ADGRD1: variants seen among roughly 807,000 people sequenced by gnomAD.
The protein encoded by ADGRD1 is G-protein coupled receptor 133.
Under a neutral mutation model 113.4 loss-of-function variants are expected in ADGRD1, and 77 were observed. The ratio of observed to expected loss-of-function variants is 0.68; its 90% CI spans 0.57 to 0.82. The LOEUF (loss-of-function observed/expected upper bound fraction) is 0.82, where lower values mean the gene tolerates loss of function less well. Among genes scored for constraint, ADGRD1 ranks in the 40% least tolerant of loss-of-function variants. The probability of loss-of-function intolerance (pLI) is 0.00; values close to 1 mark genes in which losing one functional copy is unlikely to be tolerated. For missense variants in ADGRD1, 1,036 were observed against 1,139.1 expected, an observed-to-expected ratio of 0.91 and a Z score of 1.30; for synonymous variants, 474 against 475.0, an observed-to-expected ratio of 1.00 and a Z score of 0.03.
rs1876675802 is a variant in ADGRD1 at position 131,003,573 on chromosome 12, G to A, written c.1144+271G>A. ...ATGATGGTCTCGGTTCAGAGCAGGA[G>A]GCAGAAGCAGCAGTGCCTGCAAGAG... On this transcript the variant is annotated intron_variant, in intron 10 of 24. Transcript: ENST00000261654. This position sits in a 1 kb window ranked among gnomAD's most constrained non-coding sequence, Gnocchi z 4.8. 6.6e-6 allele frequency among the ~76,000 whole-genome samples: 1 copy of A among 152,224 alleles called. No individual in the cohort carries two copies. The highest frequency in any genetic ancestry group is 1.5e-5 in the Non-Finnish European group (1 of 68,048).
chr12:131,140,666 A>G lies in ADGRD1; in HGVS notation c.*1403A>G, dbSNP rs1199504519. On this transcript the variant is annotated 3_prime_UTR_variant, in exon 25 of 25. Coordinates refer to ENST00000261654, the MANE Select transcript of ADGRD1 (RefSeq NM_198827.5). ...TGCCTTGTTTCAGAGTGAGTTTTCTATGGAGCCTGTGGCCCTTTTGCAGCC... is the reference window on the plus strand; with the variant it reads ...TGCCTTGTTTCAGAGTGAGTTTTCTGTGGAGCCTGTGGCCCTTTTGCAGCC... 2.0e-5 allele frequency: 3 copies of G among 152,238 alleles called. No homozygotes were observed. Among genetic ancestry groups the G allele is most frequent in the African/African-American group, 7.2e-5 (3 of 41,450 alleles). 9.4% of individuals were successfully genotyped at this position (152,238 alleles called of 1,614,324 possible).
At chr12:131,053,532 C>T (rs12309998) in intron 13 of ADGRD1, among the ~76,000 whole-genome samples, 2,872 of 152,218 alleles carry the variant, frequency 0.019, 90 homozygotes, top group African/African-American at 0.065. Flanking sequence ...CAGAAGTAAT[C>T]GGCCATCACC....
chr12:131,084,735 T>C lies in ADGRD1; in HGVS notation c.1671+72T>C. 6.5e-7 allele frequency: 1 copy of C among 1,534,556 alleles called. No individual in the cohort carries two copies. Among genetic ancestry groups the C allele is most frequent in the South Asian group, 1.1e-5 (1 of 87,082 alleles). ...GAGGCTGCAGGTGGGGGCGGGAGGATGCTTTGCCCGCCAGTGCCCACGGGC... is the reference window on the plus strand; with the variant it reads ...GAGGCTGCAGGTGGGGGCGGGAGGACGCTTTGCCCGCCAGTGCCCACGGGC... On this transcript the variant is annotated intron_variant, in intron 15 of 24. Transcript: ENST00000261654. The surrounding 1 kb of genome is among the most constrained non-coding windows in gnomAD (Gnocchi z 4.5).
At chr12:130,982,130 C>A in intron 5 of ADGRD1, 67 bp downstream of exon 5, 2 of 1,399,042 alleles carry the variant, frequency 1.4e-6, no homozygotes, top group Admixed American at 2.0e-5. Flanking sequence ...AGAATGGACG[C>A]TGAGAAGCCC....
intron 5 of ADGRD1, among the ~76,000 whole-genome samples, chr12:130,983,729 T>C (rs1008947275): frequency 6.6e-6 from 1 of 152,186 alleles, no homozygotes; most frequent in Admixed American, 6.5e-5. Flanking sequence ...CTCAAAATTA[T>C]CAGAAAGTTG....
intron 21 of ADGRD1, among the ~76,000 whole-genome samples, chr12:131,133,172 C>G (rs1213059639): frequency 6.6e-6 from 1 of 152,064 alleles, no homozygotes; most frequent in Non-Finnish European, 1.5e-5. Context: ...CCTTCCTCAC[C>G]CCAGCCCTCA....
Position 130,984,255 on chromosome 12 carries a change from G to C in ADGRD1, c.490+2192G>C, listed in dbSNP as rs1873358139. Reference sequence around the variant, plus strand: ...TTCCAATTTCTTTTGGAAATAAAAAGACTGGCAAGGCAGGCTCTTCATCTC... The same window carrying C: ...TTCCAATTTCTTTTGGAAATAAAAACACTGGCAAGGCAGGCTCTTCATCTC... On this transcript the variant is annotated intron_variant, in intron 5 of 24. Transcript: ENST00000261654. This position sits in a 1 kb window ranked among gnomAD's most constrained non-coding sequence, Gnocchi z 4.1. Among the ~76,000 whole-genome samples, 1 of 152,166 alleles carries C rather than the reference G, an allele frequency of 6.6e-6. No homozygotes were observed. Among genetic ancestry groups the C allele is most frequent in the Non-Finnish European group, 1.5e-5 (1 of 68,026 alleles).
intron 15 of ADGRD1, among the ~76,000 whole-genome samples, chr12:131,095,115 T>A (rs1225483343): frequency 6.6e-6 from 1 of 151,978 alleles, no homozygotes; most frequent in Non-Finnish European, 1.5e-5. Flanking sequence ...ATCTCTCCCT[T>A]CAGTCCCCCC....
At position 131,004,232 on chromosome 12, in the gene ADGRD1, T is replaced by C. The variant is rs201985264; in HGVS notation, c.1191T>C (p.His397=). 1.9e-6 allele frequency: 3 copies of C among 1,613,924 alleles called. No individual in the cohort carries two copies. In the Admixed American group the frequency reaches 5.0e-5, roughly 27 times the overall value. The part of the protein sequence containing the change: ...KILPKTVNSS[H]YRFPAHGQSF... ...TGCCCAAGACCGTGAATTCCTCCCA[T>C]TACCGCTTCCCGGCCCACGGGCAGA... The change falls in exon 11 of 25, where the codon CAT becomes CAC. Residue 397 remains histidine (H), a synonymous_variant. Coordinates refer to ENST00000261654, the MANE Select transcript of ADGRD1 (RefSeq NM_198827.5).
chr12:131,098,159 T>TGCC lies in ADGRD1; in HGVS notation c.1672-6672_1672-6671insGCC, dbSNP rs1566107430. The stretch of plus-strand genomic sequence containing the variant: ...GCGGTGGCCGCTGTCTGGGCCTCAC[T>TGCC]TCCTTCTCCCGCAGTGGCTGCTGTC... On this transcript the variant is annotated intron_variant, in intron 15 of 24. Transcript: ENST00000261654. Among the ~76,000 whole-genome samples, 18 of 28,788 alleles carry TGCC rather than the reference T, an allele frequency of 6.3e-4. 3 individuals are homozygous for TGCC. The East Asian group carries it at 0.012, about 19-fold the overall frequency. The allele number at this position is 28,788 out of a possible 152,430, so 18.9% of individuals were successfully genotyped here. A position where few individuals can be genotyped will look rare whatever the true frequency, so the allele number is the denominator to read the frequency against.
chr12:131,073,184 A>T (rs1394388123), intron 13 of ADGRD1, among the ~76,000 whole-genome samples: 1 of 152,212 alleles, frequency 6.6e-6, no homozygotes, highest in Non-Finnish European at 1.5e-5. Flanking sequence ...CTTAGCCTCT[A>T]TCAGGCTGTG....
At chr12:131,109,991 C>T (rs983968587) in intron 18 of ADGRD1, among the ~76,000 whole-genome samples, 3 of 152,130 alleles carry the variant, frequency 2.0e-5, no homozygotes, top group Admixed American at 6.6e-5. Flanking sequence ...AAAGTCTGTT[C>T]GTCCCATATG....
rs763022510 is a variant in ADGRD1 at position 130,987,314 on chromosome 12, CG to C, written c.712del (p.Asp238MetfsTer26). The C allele has an allele frequency of 6.2e-6, 10 of 1,614,180 alleles. No homozygotes were observed. The East Asian group carries it at 2.0e-4, about 32-fold the overall frequency. ...EFIIWERALT[P>X]DEIAMYFTAA... ...ATCATCTGGGAGCGGGCTCTGACTC[CG>C]GATGAGATCGCCATGTACTTCACTG... On this transcript the variant is annotated frameshift_variant, in exon 6 of 25. Coordinates refer to ENST00000261654, the MANE Select transcript of ADGRD1 (RefSeq NM_198827.5). LOFTEE classifies it high-confidence loss of function.
At chr12:131,064,943 G>A (rs2137104052) in intron 13 of ADGRD1, among the ~76,000 whole-genome samples, 1 of 152,304 alleles carries the variant, frequency 6.6e-6, no homozygotes, top group Non-Finnish European at 1.5e-5. Flanking sequence ...CCCAGCTCTT[G>A]AGCTAGTGAG....
intron 13 of ADGRD1, among the ~76,000 whole-genome samples, chr12:131,072,131 C>A: frequency 6.6e-6 from 1 of 151,368 alleles, no homozygotes. Context: ...CTCCGGCTTG[C>A]AGGCTGGCAC....
chr12:131,125,630 C>T (rs1289862413), intron 20 of ADGRD1, among the ~76,000 whole-genome samples: 1 of 152,228 alleles, frequency 6.6e-6, no homozygotes, highest in Non-Finnish European at 1.5e-5. Flanking sequence ...AGATGCATTG[C>T]TATAGATGCA....
chr12:131,133,087 G>A (rs1235716240), intron 21 of ADGRD1, among the ~76,000 whole-genome samples: 4 of 152,190 alleles, frequency 2.6e-5, no homozygotes, highest in East Asian at 1.9e-4. Context: ...CAGAGATCAC[G>A]TCCTTTCCTC....
Position 131,137,023 on chromosome 12 carries a change from G to A in ADGRD1, c.2436+9G>A, listed in dbSNP as rs775704431. On this transcript the variant is annotated intron_variant, in intron 23 of 24. Coordinates refer to ENST00000261654, the MANE Select transcript of ADGRD1 (RefSeq NM_198827.5). ...GTCTCCTGAATTCAGAGGTACGTCC[G>A]CTCTGCTTGCTGGCAGGTGCAGGTG... is the stretch of plus-strand genomic sequence containing the variant. 1.8e-4 allele frequency: 289 copies of A among 1,608,074 alleles called. No individual in the cohort carries two copies. Among genetic ancestry groups the A allele is most frequent in the Non-Finnish European group, 2.4e-4 (281 of 1,174,658 alleles).
intron 13 of ADGRD1, among the ~76,000 whole-genome samples, chr12:131,043,456 C>T (rs1882348494): frequency 6.6e-6 from 1 of 152,232 alleles, no homozygotes; most frequent in South Asian, 2.1e-4. Context: ...CGCTCACTGC[C>T]CTGGCAAAAC....
Sources: gnomAD v4.1 joint callset for allele counts (sites outside exome capture counted in the v4.1 genomes callset) on GRCh38, gnomAD v4.1.1 for gene constraint, Gnocchi (gnomAD v3.1) non-coding constraint, MANE v1.5 for transcripts, NCBI Gene and HGNC (gene_info 2026-07-23, HGNC 2026-07-21) for gene names.